ESS2: variants seen among roughly 807,000 people sequenced by gnomAD.
ESS2 encodes splicing factor ESS-2 homolog.
A neutral mutation model predicts 52.0 loss-of-function variants in ESS2; 31 were observed. The observed-to-expected ratio is 0.60, with a 90% CI of 0.45 to 0.81. ESS2 has a LOEUF of 0.81. Ranked by LOEUF, ESS2 falls within the 30% of genes least tolerant of loss-of-function variation. ESS2 has a pLI of 0.00. For missense variants in ESS2, 602 were observed against 637.2 expected (o/e 0.94, Z 0.59); for synonymous variants, 285 against 259.2 (o/e 1.10, Z -0.95).
intron 8 of ESS2, among the ~76,000 whole-genome samples, chr22:19,136,555 A>T (rs909606514): frequency 1.3e-5 from 2 of 151,952 alleles, no homozygotes; most frequent in African/African-American, 4.8e-5. Flanking sequence ...CCAAATTCTG[A>T]CTTGGATCAT....
chr22:19,135,802 A>AG (rs1202563808), intron 8 of ESS2, among the ~76,000 whole-genome samples: 1 of 151,182 alleles, frequency 6.6e-6, no homozygotes, highest in African/African-American at 2.4e-5. Context: ...CCAAGGTGGG[A>AG]GGATCACTTG....
rs192476301 is a variant in ESS2 at position 19,131,311 on chromosome 22, C to T, written c.*2885G>A. On this transcript the variant is annotated 3_prime_UTR_variant, in exon 10 of 10. Transcript: ENST00000252137. This position sits in a 1 kb window ranked among gnomAD's most constrained non-coding sequence, Gnocchi z 5.7. ...CCCAGCCCAGGGCAGCCCAGCCAGACGCCTCCGGTAGTGTAAATGAGGACA... is the reference window on the plus strand; with the variant it reads ...CCCAGCCCAGGGCAGCCCAGCCAGATGCCTCCGGTAGTGTAAATGAGGACA... 26 of 1,211,658 alleles carry T rather than the reference C, an allele frequency of 2.1e-5. No homozygotes were observed. The highest frequency in any genetic ancestry group is 2.6e-5 in the Non-Finnish European group (22 of 856,290). 75.1% of individuals were successfully genotyped at this position (1,211,658 alleles called of 1,614,324 possible). A position where few individuals can be genotyped will look rare whatever the true frequency, so the allele number is the denominator to read the frequency against.
Position 19,134,257 on chromosome 22 carries a change from G to A in ESS2, c.1370C>T (p.Ala457Val). 1 of 1,572,684 alleles carries A rather than the reference G, an allele frequency of 6.4e-7. No individual in the cohort carries two copies. Among genetic ancestry groups the A allele is most frequent in the Non-Finnish European group, 8.6e-7 (1 of 1,156,784 alleles). Residue 457 changes from alanine (A) to valine (V), a missense_variant, in exon 10 of 10, where the codon GCC becomes GTC. Transcript: ENST00000252137. The stretch of plus-strand genomic sequence containing the variant: ...CTGCAGCAGGTTGTCCGTGATGGAG[G>A]CCGGGTCCTGTGTGAGAGGGGTGCG... The part of the protein sequence containing the change: ...ATRTPLTQDP[A>V]SITDNLLQLP...
intron 5 of ESS2, 112 bp from the exon 6 acceptor site, chr22:19,139,404 G>C (rs1569110032): frequency 6.9e-7 from 1 of 1,453,868 alleles, no homozygotes; most frequent in Non-Finnish European, 9.3e-7. Flanking sequence ...GCATTGAGCA[G>C]AACGCAGGCC....
chr22:19,139,575 A>G, intron 5 of ESS2, 37 bp downstream of exon 5: 2 of 1,579,582 alleles, frequency 1.3e-6, no homozygotes, highest in Non-Finnish European at 1.7e-6. Context: ...AGCTCTACCC[A>G]ACACCTCCCC....
At chr22:19,134,985 C>T (rs2240110) in intron 9 of ESS2, 75 bp downstream of exon 9, 694,406 of 1,420,588 alleles carry the variant, frequency 0.49, 172,195 homozygotes, top group East Asian at 0.63. Flanking sequence ...TGCCTCCACA[C>T]GGTCAGGGCA....
rs368052832 is a variant in ESS2 at position 19,131,469 on chromosome 22, G to A, written c.*2727C>T. ...CATCAATCTTGGCAAGGGTTCCTACGCAAAAGTCAAATCTGCCTACTCTGA... is the reference window on the plus strand; with the variant it reads ...CATCAATCTTGGCAAGGGTTCCTACACAAAAGTCAAATCTGCCTACTCTGA... On this transcript the variant is annotated 3_prime_UTR_variant, in exon 10 of 10. Coordinates refer to ENST00000252137, the MANE Select transcript of ESS2 (RefSeq NM_022719.3). The surrounding 1 kb of genome is among the most constrained non-coding windows in gnomAD (Gnocchi z 5.7). The A allele has an allele frequency of 1.9e-6, 3 of 1,614,048 alleles. No homozygotes were observed. Among genetic ancestry groups the A allele is most frequent in the Non-Finnish European group, 2.5e-6 (3 of 1,179,998 alleles).
At position 19,139,649 on chromosome 22, in the gene ESS2, C is replaced by T. The variant is rs1241144035; in HGVS notation, c.651G>A (p.Lys217=). ...ACATGAGGGAATTCTTGGCCTTGTA[C>T]TTCCAGGTCTCCACACTGGCCTGGC... is the stretch of plus-strand genomic sequence containing the variant. ...ESSQASVETW[K]YKAKNSLMYY... The change falls in exon 5 of 10, where the codon AAG becomes AAA. Residue 217 remains lysine, a synonymous_variant. Transcript: ENST00000252137. The T allele has an allele frequency of 3.1e-6, 5 of 1,614,224 alleles. No homozygotes were observed. Among genetic ancestry groups the T allele is most frequent in the Non-Finnish European group, 4.2e-6 (5 of 1,180,034 alleles).
At chr22:19,138,502 C>T (rs2083625723) in intron 6 of ESS2, 185 bp from the exon 7 acceptor site, 3 of 714,748 alleles carry the variant, frequency 4.2e-6, no homozygotes, top group Non-Finnish European at 5.1e-6. Flanking sequence ...CCCAAAAGAC[C>T]TTGAGGGCCT....
Position 19,131,126 on chromosome 22 carries a change from G to A in ESS2, c.*3070C>T, listed in dbSNP as rs200581202. The A allele has an allele frequency of 2.5e-4, 103 of 416,136 alleles. No individual in the cohort carries two copies. In the South Asian group the frequency reaches 2.5e-3, roughly 10 times the overall value. The allele number at this position is 416,136 out of a possible 1,614,324, so 25.8% of individuals were successfully genotyped here. On this transcript the variant is annotated 3_prime_UTR_variant, in exon 10 of 10. Coordinates refer to ENST00000252137, the MANE Select transcript of ESS2 (RefSeq NM_022719.3). The surrounding 1 kb of genome is among the most constrained non-coding windows in gnomAD (Gnocchi z 5.7). ...TCCTGGGGACAGGCTTCCTTCCAGC[G>A]GGCGGGGAGTGGGTGCTCCTGCCAG...
chr22:19,134,834 G>T lies in ESS2; in HGVS notation c.1151+226C>A, dbSNP rs898167962. Among the ~76,000 whole-genome samples the T allele has an allele frequency of 3.3e-5, 5 of 152,156 alleles. No homozygotes were observed. The South Asian group carries it at 8.3e-4, about 25-fold the overall frequency. ...GCCTAAAGATGCCTCTTAGGGACGG[G>T]TCAAAGAGGACGTGGAGGAAAGAGA... On this transcript the variant is annotated intron_variant, in intron 9 of 9. Transcript: ENST00000252137.
At position 19,131,508 on chromosome 22, in the gene ESS2, A is replaced by G. The variant is rs200807955; in HGVS notation, c.*2688T>C. ...TGCCTACTCTGAGCGCCTCAAGTTC[A>G]ATGTGGCTGTCAAGATCATCGACCG... is the stretch of plus-strand genomic sequence containing the variant. On this transcript the variant is annotated 3_prime_UTR_variant, in exon 10 of 10. Transcript: ENST00000252137. This position sits in a 1 kb window ranked among gnomAD's most constrained non-coding sequence, Gnocchi z 5.7. The G allele has an allele frequency of 1.4e-4, 226 of 1,614,068 alleles. No homozygotes were observed. Among genetic ancestry groups the G allele is most frequent in the Admixed American group, 2.2e-4 (13 of 60,008 alleles).
intron 1 of ESS2, among the ~76,000 whole-genome samples, chr22:19,143,835 G>C (rs1232529552): frequency 6.6e-6 from 1 of 152,188 alleles, no homozygotes; most frequent in African/African-American, 2.4e-5. Flanking sequence ...ACTCCAGCCT[G>C]GACGACGAGC....
At position 19,132,752 on chromosome 22, in the gene ESS2, C is replaced by A; in HGVS notation, c.*1444G>T. 9.1e-6 allele frequency: 4 copies of A among 440,166 alleles called. No individual in the cohort carries two copies. The highest frequency in any genetic ancestry group is 7.5e-5 in the South Asian group (3 of 39,932). 27.3% of individuals were successfully genotyped at this position (440,166 alleles called of 1,614,324 possible). Reference sequence around the variant, plus strand: ...TTTTCTCTGGGACTCAGCCAACCGCCCCACCTGACACACAGTGGTCTCCGG... The same window carrying A: ...TTTTCTCTGGGACTCAGCCAACCGCACCACCTGACACACAGTGGTCTCCGG... On this transcript the variant is annotated 3_prime_UTR_variant, in exon 10 of 10. Transcript: ENST00000252137. The surrounding 1 kb of genome is among the most constrained non-coding windows in gnomAD (Gnocchi z 4.2).
chr22:19,132,413 C>G lies in ESS2; in HGVS notation c.*1783G>C, dbSNP rs777385407. 1 of 1,612,858 alleles carries G rather than the reference C, an allele frequency of 6.2e-7. No individual in the cohort carries two copies. The highest frequency in any genetic ancestry group is 8.5e-7 in the Non-Finnish European group (1 of 1,179,954). On this transcript the variant is annotated 3_prime_UTR_variant, in exon 10 of 10. Coordinates refer to ENST00000252137, the MANE Select transcript of ESS2 (RefSeq NM_022719.3). The surrounding 1 kb of genome is among the most constrained non-coding windows in gnomAD (Gnocchi z 4.2). ...AGAACAGGATGGAGGACAGGCTGGCCGAGACCTCCAGGGCCAAAGACCATC... is the reference window on the plus strand; with the variant it reads ...AGAACAGGATGGAGGACAGGCTGGCGGAGACCTCCAGGGCCAAAGACCATC...
At chr22:19,142,105 A>T in intron 3 of ESS2, among the ~76,000 whole-genome samples, 1 of 152,282 alleles carries the variant, frequency 6.6e-6, no homozygotes, top group East Asian at 1.9e-4. Context: ...CTGGCAGGTC[A>T]AGAAAAGTTT....
chr22:19,134,042 TG>T lies in ESS2; in HGVS notation c.*153del. ...TGGGCACGAGTGCCTTGTGCCAGTC[TG>T]GCCCCAGCACAGCCCCTTTCTCCAG... On this transcript the variant is annotated 3_prime_UTR_variant, in exon 10 of 10. Transcript: ENST00000252137. The T allele has an allele frequency of 1.1e-6, 1 of 936,450 alleles. No homozygotes were observed. The highest frequency in any genetic ancestry group is 1.4e-6 in the Non-Finnish European group (1 of 701,234). 58.0% of individuals were successfully genotyped at this position (936,450 alleles called of 1,614,324 possible).
chr22:19,138,630 G>A (rs1327001516), intron 6 of ESS2, among the ~76,000 whole-genome samples: 2 of 152,232 alleles, frequency 1.3e-5, no homozygotes, highest in Non-Finnish European at 2.9e-5. Context: ...CCAGGCCCCT[G>A]CAGGGGGCAA....
intron 3 of ESS2, among the ~76,000 whole-genome samples, chr22:19,141,995 AT>A (rs1601363557): frequency 1.3e-5 from 2 of 152,306 alleles, no homozygotes; most frequent in East Asian, 3.9e-4. Flanking sequence ...GTGTCAAAAA[AT>A]TAAAAATAAA....
Sources: gnomAD v4.1 joint callset for allele counts (sites outside exome capture counted in the v4.1 genomes callset) on GRCh38, gnomAD v4.1.1 for gene constraint, Gnocchi (gnomAD v3.1) non-coding constraint, MANE v1.5 for transcripts, NCBI Gene and HGNC (gene_info 2026-07-23, HGNC 2026-07-21) for gene names.